Variants in DTHD1 observed in about 807,000 individuals in gnomAD.
DTHD1 encodes the protein death domain containing 1.
Under a neutral mutation model 74.8 loss-of-function variants are expected in DTHD1, and 59 were observed. The ratio of observed to expected loss-of-function variants is 0.79; its 90% CI spans 0.64 to 0.98. DTHD1 has a LOEUF of 0.98. DTHD1 is among the 50% of genes least tolerant of loss of function. DTHD1 has a pLI of 0.00. For missense variants in DTHD1, 1,051 were observed against 1,065.4 expected (o/e 0.99, Z 0.19); for synonymous variants, 365 against 371.1 (o/e 0.98, Z 0.19).
intron 7 of DTHD1, among the ~76,000 whole-genome samples, chr4:36,313,833 A>ACTAATTGG (rs1421104074): frequency 6.6e-6 from 1 of 152,198 alleles, no homozygotes; most frequent in Admixed American, 6.5e-5. Flanking sequence ...GGGGAAATTT[A>ACTAATTGG]CTAATTGGTA....
At chr4:36,301,629 T>C (rs1756777786) in intron 5 of DTHD1, among the ~76,000 whole-genome samples, 1 of 152,188 alleles carries the variant, frequency 6.6e-6, no homozygotes, top group Admixed American at 6.5e-5. Context: ...TATAACTAAG[T>C]AAAATGGATT....
At position 36,281,951 on chromosome 4, in the gene DTHD1, A is replaced by G. The variant is rs1578427481; in HGVS notation, c.193A>G (p.Thr65Ala). Residue 65 changes from threonine (T) to alanine (A), a missense_variant, in exon 1 of 10, where the codon ACC (threonine) becomes GCC (alanine). By Grantham distance (58) the Thr-to-Ala change is moderately conservative (BLOSUM62 0). Transcript: ENST00000639862. ...SSALHQLLEH[T>A]SGTLRSTCQQ... is the part of the protein sequence containing the mutation. The stretch of plus-strand genomic sequence containing the variant: ...TGCCCTTCACCAGCTGCTGGAGCAC[A>G]CCTCAGGCACCCTGCGTTCCACCTG... 7.2e-7 allele frequency: 1 copy of G among 1,397,674 alleles called. No individual in the cohort carries two copies. Among genetic ancestry groups the G allele is most frequent in the Non-Finnish European group, 9.4e-7 (1 of 1,066,712 alleles). 86.6% of individuals were successfully genotyped at this position (1,397,674 alleles called of 1,614,324 possible).
chr4:36,337,842 G>A (rs1759097467), intron 8 of DTHD1, among the ~76,000 whole-genome samples: 1 of 152,176 alleles, frequency 6.6e-6, no homozygotes, highest in South Asian at 2.1e-4. Context: ...TTGTATCACT[G>A]CTGTGAAATA....
At chr4:36,339,477 C>G (rs1388319265) in intron 9 of DTHD1, among the ~76,000 whole-genome samples, 1 of 152,114 alleles carries the variant, frequency 6.6e-6, no homozygotes, top group Non-Finnish European at 1.5e-5. Context: ...ATACTTTGAG[C>G]TGAAATGTTG....
In DTHD1 at chr4:36,346,563, C is replaced by A. The variant is rs1759598121; in HGVS notation, c.*2739C>A. On this transcript the variant is annotated 3_prime_UTR_variant, in exon 10 of 10. Transcript: ENST00000639862. ...AATCAATCCCATGTGTAATCTGTGC[C>A]ACTTGGATTGAGACCTGCCCCTGAA... Among the ~76,000 whole-genome samples, 1 of 152,008 alleles carries A rather than the reference C, an allele frequency of 6.6e-6. No individual in the cohort carries two copies. Among genetic ancestry groups the A allele is most frequent in the Non-Finnish European group, 1.5e-5 (1 of 68,010 alleles).
intron 8 of DTHD1, among the ~76,000 whole-genome samples, chr4:36,318,861 G>A (rs1578474152): frequency 6.6e-6 from 1 of 152,110 alleles, no homozygotes; most frequent in South Asian, 2.1e-4. Context: ...TGATCCGCCC[G>A]CCTCGGCCTC....
intron 8 of DTHD1, among the ~76,000 whole-genome samples, chr4:36,336,087 T>C (rs1758995072): frequency 6.6e-6 from 1 of 152,228 alleles, no homozygotes; most frequent in African/African-American, 2.4e-5. Context: ...AAGAGGCTTA[T>C]AATTCAGGGA....
chr4:36,282,664 G>T (rs1031836910), intron 1 of DTHD1, among the ~76,000 whole-genome samples: 1 of 152,144 alleles, frequency 6.6e-6, no homozygotes, highest in Non-Finnish European at 1.5e-5. Context: ...GATAACAACA[G>T]TTACTCCAGA....
chr4:36,343,759 A>C lies in DTHD1; in HGVS notation c.2656A>C (p.Lys886Gln). 1 of 1,551,492 alleles carries C rather than the reference A, an allele frequency of 6.4e-7. No individual in the cohort carries two copies. The highest frequency in any genetic ancestry group is 1.2e-5 in the South Asian group (1 of 84,058). The change falls in exon 10 of 10, where the codon AAA (lysine) becomes CAA (glutamine). Residue 886 changes from lysine to glutamine, a missense_variant. Transcript: ENST00000639862. Reference protein sequence around the residue: ...IGRSDLAEELKFKWENKVFTE... With the variant: ...IGRSDLAEELQFKWENKVFTE... ...CAGGAGTGATCTTGCAGAAGAGCTC[A>C]AATTCAAGTGGGAAAATAAAGTGTT... is the stretch of plus-strand genomic sequence containing the variant.
chr4:36,339,807 T>A (rs1250099867), intron 9 of DTHD1, among the ~76,000 whole-genome samples: 2 of 152,212 alleles, frequency 1.3e-5, no homozygotes, highest in African/African-American at 4.8e-5. Context: ...GAGTTTGCCC[T>A]TACGGATTGG....
chr4:36,320,950 A>G (rs1758005706), intron 8 of DTHD1, among the ~76,000 whole-genome samples: 1 of 152,244 alleles, frequency 6.6e-6, no homozygotes, highest in Admixed American at 6.5e-5. Context: ...ATATGTATCT[A>G]GGCATAGAAC....
intron 9 of DTHD1, among the ~76,000 whole-genome samples, 185 bp from the exon 10 acceptor site, chr4:36,343,317 A>G (rs1759424264): frequency 6.6e-6 from 1 of 152,162 alleles, no homozygotes; most frequent in Non-Finnish European, 1.5e-5. Flanking sequence ...CCCTCAGGAG[A>G]TGATCCCAGA....
At chr4:36,314,108 C>A (rs1361141953) in intron 7 of DTHD1, among the ~76,000 whole-genome samples, 2 of 138,468 alleles carry the variant, frequency 1.4e-5, no homozygotes, top group Non-Finnish European at 3.0e-5. Flanking sequence ...AGCCAGGTTG[C>A]CTCTCAAATA....
chr4:36,339,008 A>G, intron 8 of DTHD1, 104 bp from the exon 9 acceptor site: 1 of 900,392 alleles, frequency 1.1e-6, no homozygotes, highest in South Asian at 1.6e-5. Flanking sequence ...TATGCAATTC[A>G]GTACTTCTTC....
rs2109431509 is a variant in DTHD1 at position 36,281,766 on chromosome 4, T to C, written c.8T>C (p.Met3Thr). 2 of 1,236,326 alleles carry C rather than the reference T, an allele frequency of 1.6e-6. No individual in the cohort carries two copies. Among genetic ancestry groups the C allele is most frequent in the Non-Finnish European group, 1.0e-6 (1 of 988,960 alleles). The allele number at this position is 1,236,326 out of a possible 1,614,324, so 76.6% of individuals were successfully genotyped here. A position where few individuals can be genotyped will look rare whatever the true frequency, so the allele number is the denominator to read the frequency against. ...CCACTTTTGGATCATAAAATGGATA[T>C]GGAATACATGGGCTCAGGTAAACTG... MD[M>T]EYMGSGKLGQ... Residue 3 changes from methionine to threonine, a missense_variant, in exon 1 of 10, where the codon ATG becomes ACG. Transcript: ENST00000639862.
chr4:36,318,877 G>C (rs1757901768), intron 8 of DTHD1, among the ~76,000 whole-genome samples: 2 of 152,198 alleles, frequency 1.3e-5, no homozygotes, highest in African/African-American at 4.8e-5. Flanking sequence ...GCCTCCCGAA[G>C]TGGTGGGATT....
At chr4:36,335,301 G>T (rs1031552111) in intron 8 of DTHD1, among the ~76,000 whole-genome samples, 13 of 152,174 alleles carry the variant, frequency 8.5e-5, no homozygotes, top group African/African-American at 3.1e-4. Flanking sequence ...TCAGCTAAAT[G>T]CAACCTCTGC....
intron 9 of DTHD1, among the ~76,000 whole-genome samples, chr4:36,340,408 G>A (rs1759251627): frequency 6.6e-6 from 1 of 152,164 alleles, no homozygotes. Flanking sequence ...GGTTAAGATT[G>A]AGTCAGCAAG....
Position 36,308,277 on chromosome 4 carries a change from G to C in DTHD1, c.1879G>C (p.Ala627Pro), listed in dbSNP as rs1397796968. 6.4e-7 allele frequency: 1 copy of C among 1,552,114 alleles called. No individual in the cohort carries two copies. Reference protein sequence around the residue: ...LVTFVKSLEEAMLSTTACIVL... With the variant: ...LVTFVKSLEEPMLSTTACIVL... ...TACTTTTGTGAAATCTTTAGAGGAA[G>C]CCATGCTCAGCACCACTGCCTGCAT... Residue 627 changes from alanine to proline, a missense_variant, in exon 7 of 10, where the codon GCC becomes CCC. By Grantham distance (27) the Ala-to-Pro change is conservative. Coordinates refer to ENST00000639862, the MANE Select transcript of DTHD1 (RefSeq NM_001170700.3).
Sources: allele counts gnomAD v4.1 joint callset (sites outside exome capture counted in the v4.1 genomes callset), GRCh38; gene constraint gnomAD v4.1.1; transcripts MANE v1.5; gene names NCBI Gene and HGNC (gene_info 2026-07-23, HGNC 2026-07-21).